The following GRM1 variants were observed in gnomAD, a reference collection of about 807,000 sequenced individuals.
The protein encoded by GRM1 is glutamate metabotropic receptor 1.
GRM1 carries 33 observed loss-of-function variants against 90.9 expected under a neutral mutation model. The observed-to-expected ratio is 0.36, with a 90% confidence interval of 0.28 to 0.49. The LOEUF (loss-of-function observed/expected upper bound fraction) is 0.49, where lower values mean the gene tolerates loss of function less well. Among genes scored for constraint, GRM1 ranks in the 20% least tolerant of loss-of-function variants. The probability of loss-of-function intolerance (pLI) is 0.99; values close to 1 mark genes in which losing one functional copy is unlikely to be tolerated. For missense variants in GRM1, 1,190 were observed against 1,534.3 expected, an observed-to-expected ratio of 0.78 and a Z score of 3.75; for synonymous variants, 700 against 613.2, an observed-to-expected ratio of 1.14 and a Z score of -2.09.
At position 146,377,625 on chromosome 6, in the gene GRM1, G is replaced by A. The variant is rs1383082180; in HGVS notation, c.1603-9265G>A. Among the ~76,000 whole-genome samples, 5 of 152,250 alleles carry A rather than the reference G, an allele frequency of 3.3e-5. 1 individual carries two copies. In the South Asian group the frequency reaches 6.2e-4, roughly 19 times the overall value. On this transcript the variant is annotated intron_variant, in intron 5 of 7. Coordinates refer to ENST00000282753, the MANE Select transcript of GRM1 (RefSeq NM_001278064.2). The stretch of plus-strand genomic sequence containing the variant: ...TAGAAAAGAAAAACCCATTTTCTAG[G>A]GAGAAATTCAAGCTGACTGCAGAAG...
chr6:146,404,559 A>G (rs1352709763), intron 7 of GRM1, among the ~76,000 whole-genome samples: 6 of 152,178 alleles, frequency 3.9e-5, no homozygotes, highest in Non-Finnish European at 8.8e-5. Context: ...ACCATAAAGC[A>G]TGTTTTTCAA....
At chr6:146,070,571 A>G (rs1775988386) in intron 1 of GRM1, among the ~76,000 whole-genome samples, 2 of 152,298 alleles carry the variant, frequency 1.3e-5, no homozygotes, top group Middle Eastern at 3.4e-3. Flanking sequence ...AAGGTTCCCT[A>G]TGGAACCTGA....
rs146111763 is a variant in GRM1, at chr6:146,418,502, A to T, written c.2661-15370A>T. On this transcript the variant is annotated intron_variant, in intron 7 of 7. Transcript: ENST00000282753. Reference sequence around the variant, plus strand: ...AAAATCACCACTGATATTTTTATGTATATCCTCATTTTAACACACACGTAT... The same window carrying T: ...AAAATCACCACTGATATTTTTATGTTTATCCTCATTTTAACACACACGTAT... Among the ~76,000 whole-genome samples the T allele has an allele frequency of 1.2e-3, 187 of 151,986 alleles. 1 individual carries two copies. The highest frequency in any genetic ancestry group is 4.4e-3 in the African/African-American group (181 of 41,524).
chr6:146,301,322 C>G (rs550694306), intron 2 of GRM1, among the ~76,000 whole-genome samples: 31 of 152,300 alleles, frequency 2.0e-4, no homozygotes, highest in African/African-American at 7.0e-4. Flanking sequence ...AACCATGTGA[C>G]TTAAAATTTC....
intron 7 of GRM1, among the ~76,000 whole-genome samples, chr6:146,422,032 C>G (rs188502686): frequency 7.2e-4 from 110 of 152,232 alleles, no homozygotes; most frequent in Non-Finnish European, 1.2e-3. Flanking sequence ...TGAGTGGTGG[C>G]TGTCATTCTT....
At chr6:146,174,533 G>T (rs2114521518) in intron 2 of GRM1, among the ~76,000 whole-genome samples, 1 of 152,232 alleles carries the variant, frequency 6.6e-6, no homozygotes, top group Admixed American at 6.5e-5. Flanking sequence ...TGCCAAAGTA[G>T]AATATTGAAA....
intron 1 of GRM1, among the ~76,000 whole-genome samples, chr6:146,043,782 GAT>G (rs3064997): frequency 0.047 from 4,219 of 89,840 alleles, 146 homozygotes; most frequent in African/African-American, 0.056. Context: ...AGAGTCAGGT[GAT>G]ATATATATAT....
Position 146,434,561 on chromosome 6 carries a change from G to C in GRM1, c.3350G>C (p.Gly1117Ala), listed in dbSNP as rs777687725. 1 of 1,613,996 alleles carries C rather than the reference G, an allele frequency of 6.2e-7. No individual in the cohort carries two copies. Among genetic ancestry groups the C allele is most frequent in the Non-Finnish European group, 8.5e-7 (1 of 1,180,026 alleles). ...QEYVYEHERE[G>A]NTEEDELEEE... ...TACGTGTATGAGCACGAGCGGGAAG[G>C]GAACACGGAAGAAGACGAACTGGAA... Residue 1117 changes from glycine to alanine, a missense_variant, in exon 8 of 8, where the codon GGG (glycine) becomes GCG (alanine). Physicochemically the swap from Gly to Ala is moderately conservative, Grantham distance 60 (BLOSUM62 0). Transcript: ENST00000282753.
chr6:146,398,145 T>A (rs1325264713), intron 6 of GRM1, among the ~76,000 whole-genome samples: 1 of 152,130 alleles, frequency 6.6e-6, no homozygotes, highest in Non-Finnish European at 1.5e-5. Context: ...CCACTAGAGG[T>A]TACTAACTCA....
At chr6:146,382,837 T>C (rs1776365130) in intron 5 of GRM1, among the ~76,000 whole-genome samples, 1 of 152,186 alleles carries the variant, frequency 6.6e-6, no homozygotes, top group Admixed American at 6.5e-5. Flanking sequence ...TTGATGACTA[T>C]GCTGTGAAAA....
chr6:146,125,893 T>C (rs1308460580), intron 1 of GRM1, among the ~76,000 whole-genome samples: 2 of 152,186 alleles, frequency 1.3e-5, no homozygotes, highest in African/African-American at 4.8e-5. Flanking sequence ...AGTGAATTCA[T>C]GGTATAATTT....
chr6:146,136,404 A>G (rs1208385736), intron 1 of GRM1, among the ~76,000 whole-genome samples: 1 of 152,198 alleles, frequency 6.6e-6, no homozygotes, highest in Non-Finnish European at 1.5e-5. Context: ...CCAACAGTGT[A>G]TGAGGGTTCC....
chr6:146,332,446 A>C (rs1028679468), intron 3 of GRM1, among the ~76,000 whole-genome samples: 3 of 152,182 alleles, frequency 2.0e-5, no homozygotes, highest in African/African-American at 4.8e-5. Context: ...TTGTTCCTGT[A>C]GGTTGTCTAC....
intron 2 of GRM1, among the ~76,000 whole-genome samples, chr6:146,174,448 T>A (rs1778258539): frequency 6.6e-6 from 1 of 152,216 alleles, no homozygotes; most frequent in Admixed American, 6.5e-5. Flanking sequence ...CAAACCTAGA[T>A]AAGTGCAAAG....
At chr6:146,303,858 C>T (rs957226666) in intron 2 of GRM1, among the ~76,000 whole-genome samples, 7 of 152,138 alleles carry the variant, frequency 4.6e-5, no homozygotes, top group African/African-American at 1.7e-4. Context: ...ATAGGCCTGG[C>T]TCACATGTGC....
At chr6:146,105,248 C>G (rs1777188191) in intron 1 of GRM1, among the ~76,000 whole-genome samples, 1 of 152,072 alleles carries the variant, frequency 6.6e-6, no homozygotes, top group African/African-American at 2.4e-5. Context: ...GGAACAAAAT[C>G]CAGAAATGTG....
rs751610237 is a variant in GRM1, at chr6:146,029,400, C to T, written c.-118C>T. ...AAAGGCCTTGGACGACCATTGTTGG[C>T]GAGGGGCACCACTCCGGGAGAGGCG... On this transcript the variant is annotated 5_prime_UTR_variant, in exon 1 of 8. Coordinates refer to ENST00000282753, the MANE Select transcript of GRM1 (RefSeq NM_001278064.2). 1 of 826,122 alleles carries T rather than the reference C, an allele frequency of 1.2e-6. No individual in the cohort carries two copies. The highest frequency in any genetic ancestry group is 2.1e-6 in the Non-Finnish European group (1 of 471,360). 51.2% of individuals were successfully genotyped at this position (826,122 alleles called of 1,614,324 possible). A position where few individuals can be genotyped will look rare whatever the true frequency, so the allele number is the denominator to read the frequency against.
intron 2 of GRM1, among the ~76,000 whole-genome samples, chr6:146,272,649 T>A (rs796957043): frequency 7.2e-5 from 11 of 152,340 alleles, no homozygotes; most frequent in African/African-American, 2.6e-4. Flanking sequence ...AAAGGCTTCA[T>A]AAAGGATGTT....
At chr6:146,396,167 A>T (rs1776927365) in intron 6 of GRM1, among the ~76,000 whole-genome samples, 1 of 152,028 alleles carries the variant, frequency 6.6e-6, no homozygotes, top group Admixed American at 6.6e-5. Flanking sequence ...GAAAACAAAA[A>T]TAAAATTAGG....
Sources: allele counts gnomAD v4.1 joint callset (sites outside exome capture counted in the v4.1 genomes callset), GRCh38; gene constraint gnomAD v4.1.1; transcripts MANE v1.5; gene names NCBI Gene and HGNC (gene_info 2026-07-23, HGNC 2026-07-21).